SLC2A7: variants seen among roughly 807,000 people sequenced by gnomAD.
SLC2A7 encodes the protein solute carrier family 2 member 7, also known as solute carrier family 2, facilitated glucose transporter member 7.
A neutral mutation model predicts 50.5 loss-of-function variants in SLC2A7; 50 were observed. The ratio of observed to expected loss-of-function variants is 0.99; its 90% CI spans 0.79 to 1.25. SLC2A7 has a LOEUF of 1.25. Among genes scored for constraint, SLC2A7 ranks in the 50% most tolerant of loss-of-function variants. The pLI is 0.00. For synonymous variants in SLC2A7, 308 were observed against 300.4 expected, an observed-to-expected ratio of 1.03 and a Z score of -0.26; for missense variants, 683 against 679.1, an observed-to-expected ratio of 1.01 and a Z score of -0.06.
intron 2 of SLC2A7, among the ~76,000 whole-genome samples, chr1:9,023,408 C>T (rs1051429641): frequency 6.6e-5 from 10 of 151,894 alleles, no homozygotes; most frequent in Admixed American, 2.6e-4. Context: ...GAGATCGAGA[C>T]CACCCTGGCT....
At chr1:9,017,513 T>C (rs1309057403) in intron 5 of SLC2A7, among the ~76,000 whole-genome samples, 1 of 152,188 alleles carries the variant, frequency 6.6e-6, no homozygotes, top group Non-Finnish European at 1.5e-5. Flanking sequence ...CCCCACTCAG[T>C]CCATTTACGT....
chr1:8,995,934 A>G, the SLC2A7 span, among the ~76,000 whole-genome samples: 1 of 151,874 alleles, frequency 6.6e-6, no homozygotes, highest in Admixed American at 6.6e-5. Context: ...CACTCTCCCA[A>G]TTTTTAGATT....
chr1:9,023,157 TGTC>T lies in SLC2A7; in HGVS notation c.151-82_151-80del, dbSNP rs1383038821. Reference sequence around the variant, plus strand: ...TGAGAAAGTGTTCTCAGTGGCCACTTGTCATTGTACAGAGAGGTTTTTCTGCTA... The same window carrying T: ...TGAGAAAGTGTTCTCAGTGGCCACTTATTGTACAGAGAGGTTTTTCTGCTA... On this transcript the variant is annotated intron_variant, in intron 2 of 11. Coordinates refer to ENST00000400906, the MANE Select transcript of SLC2A7 (RefSeq NM_207420.3). The T allele has an allele frequency of 3.4e-6, 5 of 1,485,966 alleles. No individual in the cohort carries two copies. In the African/African-American group the frequency reaches 6.9e-5, roughly 21 times the overall value. 92.0% of individuals were successfully genotyped at this position (1,485,966 alleles called of 1,614,324 possible). A position where few individuals can be genotyped will look rare whatever the true frequency, so the allele number is the denominator to read the frequency against.
chr1:9,000,292 G>C (rs1337162917), downstream of SLC2A7, among the ~76,000 whole-genome samples: 3 of 152,062 alleles, frequency 2.0e-5, no homozygotes, highest in Non-Finnish European at 4.4e-5. Context: ...CTGCACTCCA[G>C]CCTGGACAAC....
chr1:9,015,992 A>G (rs1640825177), intron 5 of SLC2A7, among the ~76,000 whole-genome samples: 1 of 152,054 alleles, frequency 6.6e-6, no homozygotes, highest in African/African-American at 2.4e-5. Context: ...TGGCCTCCCA[A>G]AATGCTGGGC....
chr1:9,017,350 C>A (rs1640845937), intron 5 of SLC2A7, among the ~76,000 whole-genome samples: 1 of 152,076 alleles, frequency 6.6e-6, no homozygotes, highest in African/African-American at 2.4e-5. Flanking sequence ...ACAACAACAA[C>A]AACAAAACTA....
downstream of SLC2A7, among the ~76,000 whole-genome samples, chr1:8,998,685 C>T (rs1260081268): frequency 1.3e-5 from 2 of 152,122 alleles, no homozygotes; most frequent in African/African-American, 4.8e-5. Context: ...GCCTCCCCAC[C>T]CCCTGCCAAA....
At chr1:9,024,462 C>T (rs2124269381) in intron 2 of SLC2A7, among the ~76,000 whole-genome samples, 2 of 152,316 alleles carry the variant, frequency 1.3e-5, no homozygotes, top group South Asian at 4.1e-4. Context: ...AGCCTGTAGT[C>T]AGTTCTCAGT....
chr1:8,997,749 GCTTT>G, the SLC2A7 span, among the ~76,000 whole-genome samples: 1 of 152,146 alleles, frequency 6.6e-6, no homozygotes. Flanking sequence ...AGATACTAGT[GCTTT>G]CTCAGATATA....
rs1407970356 is a variant in SLC2A7, at chr1:9,008,117, C to G, written c.1117-732G>C. On this transcript the variant is annotated intron_variant, in intron 9 of 11. Transcript: ENST00000400906. This position sits in a 1 kb window ranked among gnomAD's most constrained non-coding sequence, Gnocchi z 5.9. ...AGACCACCATCTCTGCTCCCAACTG[C>G]CGAGAGAACAGCCAATGCAAAACCG... 2.6e-5 allele frequency among the ~76,000 whole-genome samples: 4 copies of G among 152,052 alleles called. No individual in the cohort carries two copies. The highest frequency in any genetic ancestry group is 6.6e-5 in the Admixed American group (1 of 15,260).
At chr1:9,013,080 T>C (rs1255533989) in intron 8 of SLC2A7, among the ~76,000 whole-genome samples, 2 of 152,158 alleles carry the variant, frequency 1.3e-5, no homozygotes, top group African/African-American at 2.4e-5. Flanking sequence ...TTAATAGAGA[T>C]GGGGTTTCAC....
At chr1:8,998,753 G>A (rs1235595562), downstream of SLC2A7, among the ~76,000 whole-genome samples, 2 of 152,154 alleles carry the variant, frequency 1.3e-5, no homozygotes, top group Admixed American at 6.6e-5. Context: ...TCAATTTGGG[G>A]AGGATTAAGC....
In SLC2A7 at chr1:9,014,794, G is replaced by A. The variant is rs755498344; in HGVS notation, c.790C>T (p.Arg264Cys). ...AGCACAGACAGGTGGCCCTCGGCGC[G>A]CTCGGCCCGGGCCTCCGCACGCATG... ...EDMRAEARAE[R>C]AEGHLSVLHL... is the part of the protein sequence containing the mutation. The change falls in exon 7 of 12, where the codon CGC becomes TGC. Residue 264 changes from arginine to cysteine, a missense_variant. Coordinates refer to ENST00000400906, the MANE Select transcript of SLC2A7 (RefSeq NM_207420.3). The A allele has an allele frequency of 1.6e-5, 26 of 1,601,238 alleles. No homozygotes were observed. Among genetic ancestry groups the A allele is most frequent in the Non-Finnish European group, 2.1e-5 (25 of 1,175,082 alleles).
chr1:9,007,440 G>C, intron 9 of SLC2A7, 55 bp from the exon 10 acceptor site: 1 of 1,569,940 alleles, frequency 6.4e-7, no homozygotes. Context: ...ACGTGCGGGG[G>C]GGTCCACCTG....
In SLC2A7 at chr1:9,018,216, C is replaced by A; in HGVS notation, c.589+7G>T. 1 of 1,614,008 alleles carries A rather than the reference C, an allele frequency of 6.2e-7. No individual in the cohort carries two copies. The highest frequency in any genetic ancestry group is 8.5e-7 in the Non-Finnish European group (1 of 1,179,978). On this transcript the variant is annotated splice_region_variant and intron_variant, in intron 5 of 11. Coordinates refer to ENST00000400906, the MANE Select transcript of SLC2A7 (RefSeq NM_207420.3). ...GACCTAGCGTGACCTCTGCGGCTGC[C>A]GGTTACCTGCCGGGTTGCCCAAGAT...
intron 5 of SLC2A7, 139 bp downstream of exon 5, chr1:9,018,084 C>T: frequency 8.6e-7 from 1 of 1,159,368 alleles, no homozygotes; most frequent in South Asian, 1.7e-5. Flanking sequence ...CCACGTCACC[C>T]ATCCCTTTGC....
the SLC2A7 span, among the ~76,000 whole-genome samples, chr1:8,993,816 A>G: frequency 3.2e-4 from 48 of 151,888 alleles, 1 homozygote; most frequent in Non-Finnish European, 2.1e-4. Context: ...TTTATTAGAG[A>G]CAGGGTTTCA....
intron 1 of SLC2A7, among the ~76,000 whole-genome samples, chr1:9,025,729 T>C (rs975001676): frequency 2.0e-5 from 3 of 152,126 alleles, no homozygotes; most frequent in Admixed American, 6.5e-5. Flanking sequence ...CTTTCCATGG[T>C]TGCCACAACA....
chr1:9,003,568 G>A, intron 11 of SLC2A7, 50 bp from the exon 12 acceptor site: 3 of 1,528,812 alleles, frequency 2.0e-6, no homozygotes, highest in Non-Finnish European at 2.7e-6. Context: ...AGGCAACAGT[G>A]CTGATTCAGC....
Sources: allele counts gnomAD v4.1 joint callset (sites outside exome capture counted in the v4.1 genomes callset), GRCh38; gene constraint gnomAD v4.1.1; non-coding constraint Gnocchi (gnomAD v3.1); transcripts MANE v1.5; gene names NCBI Gene and HGNC (gene_info 2026-07-23, HGNC 2026-07-21).